The following TNS3 variants were observed in gnomAD, a reference collection of about 807,000 sequenced individuals.
TNS3 encodes the protein tensin 3.
Under a neutral mutation model 140.9 loss-of-function variants are expected in TNS3, and 45 were observed. The observed-to-expected ratio is 0.32, with a 90% confidence interval of 0.25 to 0.41. TNS3 has a LOEUF of 0.41. TNS3 is among the 10% of genes least tolerant of loss of function. The probability of loss-of-function intolerance (pLI) is 1.00; values close to 1 mark genes in which losing one functional copy is unlikely to be tolerated. For missense variants in TNS3, 1,716 were observed against 1,906.7 expected, an observed-to-expected ratio of 0.90 and a Z score of 1.86; for synonymous variants, 815 against 788.4, an observed-to-expected ratio of 1.03 and a Z score of -0.56.
intron 2 of TNS3, among the ~76,000 whole-genome samples, chr7:47,514,439 C>A (rs1798713326): frequency 6.6e-6 from 1 of 152,206 alleles, no homozygotes; most frequent in Non-Finnish European, 1.5e-5. Context: ...ACAAAACTCT[C>A]ATCTTTCTCT....
intron 1 of TNS3, among the ~76,000 whole-genome samples, chr7:47,563,809 A>C (rs1800365537): frequency 6.6e-6 from 1 of 152,194 alleles, no homozygotes; most frequent in South Asian, 2.1e-4. Context: ...AGTGGTCATT[A>C]ATTTTATGCA....
chr7:47,291,138 G>A (rs1160405176), intron 27 of TNS3, among the ~76,000 whole-genome samples: 2 of 152,190 alleles, frequency 1.3e-5, no homozygotes, highest in South Asian at 4.1e-4. Context: ...TGAAAATATG[G>A]AGACAATAAA....
intron 1 of TNS3, among the ~76,000 whole-genome samples, chr7:47,541,948 C>CAAAAAAAAGA (rs1799799952): frequency 7.6e-6 from 1 of 130,970 alleles, no homozygotes; most frequent in African/African-American, 2.9e-5. Context: ...GACTCCATCT[C>CAAAAAAAAGA]AAAAAAAAAA....
intron 1 of TNS3, among the ~76,000 whole-genome samples, chr7:47,533,676 T>G (rs1799498661): frequency 6.6e-6 from 1 of 152,084 alleles, no homozygotes; most frequent in Non-Finnish European, 1.5e-5. Flanking sequence ...AATTCCCATG[T>G]GTTGTGAGAG....
chr7:47,459,731 T>C (rs1054150954), intron 4 of TNS3, among the ~76,000 whole-genome samples: 9 of 152,128 alleles, frequency 5.9e-5, no homozygotes, highest in African/African-American at 2.2e-4. Flanking sequence ...ACTCATCTGT[T>C]CCATAATCAA....
rs1279958130 is a variant in TNS3 at position 47,439,654 on chromosome 7, C to T, written c.-18G>A. 1.1e-5 allele frequency: 17 copies of T among 1,613,560 alleles called. No homozygotes were observed. The highest frequency in any genetic ancestry group is 1.7e-5 in the Admixed American group (1 of 59,948). On this transcript the variant is annotated 5_prime_UTR_variant, in exon 6 of 31. Transcript: ENST00000311160. Reference sequence around the variant, plus strand: ...TCCTCCATGGTGGGACTCAGGATGACGGGCCTGCGAGAGAGCAGTGGGCAG... The same window carrying T: ...TCCTCCATGGTGGGACTCAGGATGATGGGCCTGCGAGAGAGCAGTGGGCAG...
At chr7:47,404,765 T>C (rs901976886) in intron 13 of TNS3, among the ~76,000 whole-genome samples, 4 of 152,002 alleles carry the variant, frequency 2.6e-5, no homozygotes, top group Non-Finnish European at 4.4e-5. Context: ...GCGCCTGTAG[T>C]CCCAGCTACT....
chr7:47,575,598 G>A (rs1379798074), intron 1 of TNS3, among the ~76,000 whole-genome samples: 1 of 152,064 alleles, frequency 6.6e-6, no homozygotes, highest in Non-Finnish European at 1.5e-5. Flanking sequence ...GGCGGATCAT[G>A]AGGTCAGGAG....
intron 3 of TNS3, among the ~76,000 whole-genome samples, chr7:47,489,433 AT>A (rs751296661): frequency 7.9e-5 from 12 of 152,104 alleles, no homozygotes; most frequent in Non-Finnish European, 1.5e-4. Flanking sequence ...GAATCTAATA[AT>A]TTTTAGACAA....
At chr7:47,380,377 G>A (rs995297315) in intron 16 of TNS3, among the ~76,000 whole-genome samples, 1 of 152,198 alleles carries the variant, frequency 6.6e-6, no homozygotes, top group East Asian at 1.9e-4. Flanking sequence ...AGGTCCTGTT[G>A]GCCTTATCTG....
intron 20 of TNS3, among the ~76,000 whole-genome samples, chr7:47,313,456 A>T (rs939913487): frequency 6.6e-6 from 1 of 152,238 alleles, no homozygotes; most frequent in Non-Finnish European, 1.5e-5. Flanking sequence ...TCATGCCAAG[A>T]AGCAGCACAG....
At chr7:47,533,627 G>A (rs1799496653) in intron 1 of TNS3, among the ~76,000 whole-genome samples, 1 of 152,108 alleles carries the variant, frequency 6.6e-6, no homozygotes, top group Admixed American at 6.5e-5. Context: ...TTTAATCACT[G>A]ATATGGCTTG....
At chr7:47,426,507 G>A (rs74861240) in intron 9 of TNS3, among the ~76,000 whole-genome samples, 3,725 of 152,244 alleles carry the variant, frequency 0.024, 69 homozygotes, top group East Asian at 0.076. Context: ...AATAATCACA[G>A]CAGCGTTAAT....
chr7:47,430,937 G>T (rs1794900627), intron 8 of TNS3, among the ~76,000 whole-genome samples: 1 of 151,952 alleles, frequency 6.6e-6, no homozygotes, highest in Non-Finnish European at 1.5e-5. Context: ...TGGCCAGGCT[G>T]GTCTCGAACT....
chr7:47,442,526 T>G (rs777494731), intron 4 of TNS3, among the ~76,000 whole-genome samples: 2 of 152,268 alleles, frequency 1.3e-5, no homozygotes, highest in Non-Finnish European at 2.9e-5. Context: ...AATTACTTTA[T>G]AGTTATATAA....
At chr7:47,306,820 GC>G (rs763102519) in intron 20 of TNS3, among the ~76,000 whole-genome samples, 1 of 152,106 alleles carries the variant, frequency 6.6e-6, no homozygotes, top group African/African-American at 2.4e-5. Context: ...CTCGTGATCT[GC>G]CCGCCTTGGC....
At chr7:47,337,082 G>T (rs552348289) in intron 20 of TNS3, among the ~76,000 whole-genome samples, 13 of 151,948 alleles carry the variant, frequency 8.6e-5, no homozygotes, top group Non-Finnish European at 1.8e-4. Flanking sequence ...TAAGTCCCTG[G>T]CCTGTCTGTA....
chr7:47,367,868 G>A (rs889343467), intron 17 of TNS3, among the ~76,000 whole-genome samples: 1 of 152,212 alleles, frequency 6.6e-6, no homozygotes, highest in African/African-American at 2.4e-5. Context: ...TACCACGACT[G>A]CTTAATCAAT....
chr7:47,430,107 A>AT (rs1554325224), intron 8 of TNS3, among the ~76,000 whole-genome samples: 5 of 127,926 alleles, frequency 3.9e-5, no homozygotes, highest in East Asian at 2.3e-4. Flanking sequence ...TAAAGCAAGT[A>AT]TTTCTTTTCT....
Sources: allele counts gnomAD v4.1 joint callset (sites outside exome capture counted in the v4.1 genomes callset), GRCh38; gene constraint gnomAD v4.1.1; transcripts MANE v1.5; gene names NCBI Gene and HGNC (gene_info 2026-07-23, HGNC 2026-07-21).